The following TENM1 variants were observed in gnomAD, a reference collection of about 807,000 sequenced individuals.
The protein encoded by TENM1 is teneurin transmembrane protein 1.
In TENM1, 35 loss-of-function variants were observed where a neutral mutation model predicts 174.8. The observed-to-expected ratio is 0.20, with a 90% CI of 0.15 to 0.27. The LOEUF is 0.27. TENM1 is among the 10% of genes least tolerant of loss of function. The probability of loss-of-function intolerance (pLI) is 1.00; values close to 1 mark genes in which losing one functional copy is unlikely to be tolerated. For missense variants in TENM1, 1,633 were observed against 2,130.1 expected (o/e 0.77, Z 4.59); for synonymous variants, 781 against 798.7 (o/e 0.98, Z 0.37).
In TENM1 at chrX:124,610,406, A is replaced by C. The variant is rs1241355981; in HGVS notation, c.2077+31385T>G. Among the ~76,000 whole-genome samples the C allele has an allele frequency of 2.7e-5, 3 of 112,289 alleles. No individual in the cohort carries two copies. In the East Asian group the frequency reaches 8.3e-4, roughly 31 times the overall value. On this transcript the variant is annotated intron_variant, in intron 11 of 31. Coordinates refer to ENST00000422452, the Ensembl canonical transcript of TENM1. ...CATAAGTTTTAAATATTCAAATTTCACTGCCTTTGGAATCTATTTTTCAGT... is the reference window on the plus strand; with the variant it reads ...CATAAGTTTTAAATATTCAAATTTCCCTGCCTTTGGAATCTATTTTTCAGT...
chrX:124,928,357 G>A (rs1011980034), intron 1 of TENM1, among the ~76,000 whole-genome samples: 3 of 111,477 alleles, frequency 2.7e-5, no homozygotes, highest in Non-Finnish European at 5.6e-5. Context: ...AAGTTTCCTA[G>A]AATAGTCATT....
chrX:124,387,851 C>A (rs906252006), intron 28 of TENM1, among the ~76,000 whole-genome samples: 1 of 112,110 alleles, frequency 8.9e-6, no homozygotes, highest in African/African-American at 3.2e-5. Context: ...CAGCTTGCCA[C>A]AGCCTACAGT....
At chrX:125,161,050 A>C in the TENM1 span, among the ~76,000 whole-genome samples, 1 of 107,728 alleles carries the variant, frequency 9.3e-6, no homozygotes, top group Non-Finnish European at 1.9e-5. Flanking sequence ...AAAAAAAAAA[A>C]AAAAAAAAAA....
At chrX:125,097,603 CCATTT>C in the TENM1 span, among the ~76,000 whole-genome samples, 1 of 112,085 alleles carries the variant, frequency 8.9e-6, no homozygotes, top group African/African-American at 3.2e-5. Context: ...TTAGTTCCTT[CCATTT>C]AATTTACTAA....
At chrX:124,846,222 G>A (rs1222263664) in intron 3 of TENM1, among the ~76,000 whole-genome samples, 1 of 110,736 alleles carries the variant, frequency 9.0e-6, no homozygotes, top group East Asian at 2.8e-4. Context: ...ACATCGGTGG[G>A]TGTCAAGCAG....
At chrX:124,954,455 C>G (rs762169408) in intron 1 of TENM1, among the ~76,000 whole-genome samples, 2 of 111,596 alleles carry the variant, frequency 1.8e-5, no homozygotes, top group Non-Finnish European at 3.8e-5. Flanking sequence ...TACTCATCAG[C>G]AAAATTTGTA....
At chrX:124,797,134 C>A (rs192886325) in intron 3 of TENM1, among the ~76,000 whole-genome samples, 2 of 111,822 alleles carry the variant, frequency 1.8e-5, no homozygotes, top group African/African-American at 6.5e-5. Context: ...ACTTTAAACT[C>A]CTGGCATTTT....
chrX:124,504,111 A>G (rs749037474), intron 18 of TENM1, among the ~76,000 whole-genome samples: 3 of 111,713 alleles, frequency 2.7e-5, no homozygotes, highest in Non-Finnish European at 5.7e-5. Context: ...TTTTACCACT[A>G]TAGTGAAAAA....
the TENM1 span, among the ~76,000 whole-genome samples, chrX:125,154,381 T>G: frequency 8.9e-6 from 1 of 112,089 alleles, no homozygotes; most frequent in Non-Finnish European, 1.9e-5. Flanking sequence ...GAGACGCAAT[T>G]AAGAGTAAGC....
chrX:124,833,381 CAT>C (rs1175953904), intron 3 of TENM1, among the ~76,000 whole-genome samples: 2 of 112,069 alleles, frequency 1.8e-5, no homozygotes, highest in East Asian at 5.6e-4. Flanking sequence ...ATACTGGAGC[CAT>C]AGTGTTAACT....
the TENM1 span, among the ~76,000 whole-genome samples, chrX:125,052,654 T>C: frequency 8.9e-6 from 1 of 111,784 alleles, no homozygotes; most frequent in African/African-American, 3.2e-5. Context: ...TTAGTTCATA[T>C]TGTGCATTAA....
At chrX:124,925,436 G>A (rs1216241233) in intron 1 of TENM1, among the ~76,000 whole-genome samples, 1 of 111,835 alleles carries the variant, frequency 8.9e-6, no homozygotes, top group Non-Finnish European at 1.9e-5. Flanking sequence ...TGTTAATTAT[G>A]CTATTTACAG....
intron 3 of TENM1, among the ~76,000 whole-genome samples, chrX:124,747,136 A>G (rs1033178444): frequency 1.9e-5 from 2 of 106,009 alleles, no homozygotes; most frequent in Admixed American, 1.0e-4. Flanking sequence ...TGGGCGACAC[A>G]GCAAGACTAT....
intron 13 of TENM1, among the ~76,000 whole-genome samples, chrX:124,562,124 A>G (rs185294156): frequency 8.9e-6 from 1 of 111,780 alleles, no homozygotes; most frequent in East Asian, 2.8e-4. Context: ...TTCACTAAAC[A>G]TATCTCCTCA....
At chrX:125,195,339 C>G in the TENM1 span, among the ~76,000 whole-genome samples, 1 of 111,819 alleles carries the variant, frequency 8.9e-6, no homozygotes, top group African/African-American at 3.2e-5. Context: ...CTCACTATGT[C>G]TACTGCTGTT....
intron 22 of TENM1, among the ~76,000 whole-genome samples, chrX:124,461,923 T>C (rs1203592066): frequency 1.8e-5 from 2 of 112,093 alleles, no homozygotes; most frequent in Non-Finnish European, 1.9e-5. Context: ...ATGAATATCC[T>C]AATTATACTG....
At chrX:124,483,036 T>C (rs2046878381) in intron 21 of TENM1, among the ~76,000 whole-genome samples, 1 of 112,379 alleles carries the variant, frequency 8.9e-6, no homozygotes, top group South Asian at 3.7e-4. Flanking sequence ...GAATATTTTC[T>C]ATAGATCGAT....
At chrX:124,421,804 A>G (rs1204475605) in intron 24 of TENM1, among the ~76,000 whole-genome samples, 1 of 111,588 alleles carries the variant, frequency 9.0e-6, no homozygotes, top group Non-Finnish European at 1.9e-5. Flanking sequence ...CAAATAGCAC[A>G]TGCTTTTAAT....
At chrX:125,045,323 G>T in the TENM1 span, among the ~76,000 whole-genome samples, 1 of 111,156 alleles carries the variant, frequency 9.0e-6, no homozygotes, top group Non-Finnish European at 1.9e-5. Flanking sequence ...AGGCTCCATA[G>T]CGTTAGTATT....
Sources: allele counts gnomAD v4.1 joint callset (sites outside exome capture counted in the v4.1 genomes callset), GRCh38; gene constraint gnomAD v4.1.1; transcripts MANE v1.5; gene names NCBI Gene and HGNC (gene_info 2026-07-23, HGNC 2026-07-21).